Variants in FAN1 observed in about 807,000 individuals in gnomAD.
The protein encoded by FAN1 is fanconi-associated nuclease 1.
FAN1 carries 91 observed loss-of-function variants against 104.9 expected under a neutral mutation model. The observed-to-expected ratio is 0.87, with a 90% CI of 0.73 to 1.03. The LOEUF is 1.03. Ranked by LOEUF, FAN1 falls within the 50% of genes least tolerant of loss-of-function variation. The probability of loss-of-function intolerance (pLI) is 0.00; values close to 1 mark genes in which losing one functional copy is unlikely to be tolerated. For missense variants in FAN1, 1,263 were observed against 1,239.9 expected (o/e 1.02, Z -0.28); for synonymous variants, 478 against 457.6 (o/e 1.04, Z -0.57).
At position 30,941,698 on chromosome 15, in the gene FAN1, G is replaced by T; in HGVS notation, c.*136G>T. 6.2e-7 allele frequency: 1 copy of T among 1,613,840 alleles called. No individual in the cohort carries two copies. The highest frequency in any genetic ancestry group is 2.2e-5 in the East Asian group (1 of 44,884). ...GCTCCCCATAGCAGGCCTCCAGGGG[G>T]CCACTGCGCTGTTGCCGCAGCATCC... On this transcript the variant is annotated 3_prime_UTR_variant, in exon 15 of 15. Transcript: ENST00000362065.
intron 8 of FAN1, 23 bp from the exon 9 acceptor site, chr15:30,925,104 T>C: frequency 6.3e-7 from 1 of 1,593,856 alleles, no homozygotes; most frequent in Non-Finnish European, 8.6e-7. Flanking sequence ...AGGAGCCTGA[T>C]GTGTGACCAT....
intron 2 of FAN1, 132 bp from the exon 3 acceptor site, chr15:30,907,986 T>C: frequency 1.7e-6 from 1 of 571,696 alleles, no homozygotes; most frequent in Non-Finnish European, 2.7e-6. Context: ...ACTTTCAAAA[T>C]GGTTTATTCC....
In FAN1 at chr15:30,905,739, A is replaced by G. The variant is rs1270932714; in HGVS notation, c.1076A>G (p.Gln359Arg). Residue 359 changes from glutamine to arginine, a missense_variant, in exon 2 of 15, where the codon CAG (glutamine) becomes CGG (arginine). Around this residue, in one of 2 missense-constraint regions of FAN1, gnomAD observed 682 missense variants for 571.1 expected, o/e 1.19. Coordinates refer to ENST00000362065, the MANE Select transcript of FAN1 (RefSeq NM_014967.5). ...NDIPHSIPLE[Q>R]GSSCNGPGQT... The stretch of plus-strand genomic sequence containing the variant: ...ATCCCTCACAGCATTCCTTTGGAGC[A>G]GGGGTCAAGCTGCAATGGTCCTGGT... The G allele has an allele frequency of 6.2e-7, 1 of 1,614,226 alleles. No individual in the cohort carries two copies. The highest frequency in any genetic ancestry group is 1.1e-5 in the South Asian group (1 of 91,086).
intron 10 of FAN1, chr15:30,926,743 T>C (rs753283250): frequency 4.1e-6 from 4 of 985,292 alleles, no homozygotes; most frequent in Non-Finnish European, 4.8e-6. Context: ...GGACACTCGC[T>C]GGAGGAGGAA....
At chr15:30,936,791 A>T (rs1241825148) in intron 13 of FAN1, among the ~76,000 whole-genome samples, 1 of 152,208 alleles carries the variant, frequency 6.6e-6, no homozygotes, top group Admixed American at 6.5e-5. Flanking sequence ...CAAACCGTAG[A>T]GTACTGGTTA....
intron 5 of FAN1, 58 bp downstream of exon 5, chr15:30,914,149 G>A (rs761279747): frequency 7.7e-7 from 1 of 1,303,308 alleles, no homozygotes; most frequent in Non-Finnish European, 1.1e-6. Context: ...TTTAGTAAAA[G>A]GTTTTGTTAT....
intron 10 of FAN1, chr15:30,927,264 A>G (rs2062488011): frequency 2.0e-6 from 2 of 985,532 alleles, no homozygotes; most frequent in South Asian, 4.7e-5. Flanking sequence ...TTCCTGCCTG[A>G]TCGTCAGTGT....
chr15:30,941,343 T>C (rs2063045111), intron 14 of FAN1: 6 of 1,534,914 alleles, frequency 3.9e-6, no homozygotes, highest in Non-Finnish European at 5.2e-6. Context: ...TTTTAAATAT[T>C]AGTGCAAATT....
intron 2 of FAN1, among the ~76,000 whole-genome samples, chr15:30,906,828 C>T (rs951729119): frequency 3.9e-5 from 6 of 152,148 alleles, no homozygotes; most frequent in African/African-American, 1.4e-4. Context: ...GCTGTTCTCA[C>T]CAGAAGATGG....
intron 3 of FAN1, among the ~76,000 whole-genome samples, chr15:30,909,600 C>T (rs778730724): frequency 2.6e-5 from 4 of 152,202 alleles, no homozygotes; most frequent in Non-Finnish European, 5.9e-5. Flanking sequence ...AGTGGCTCAC[C>T]GTGGCACTCA....
intron 10 of FAN1, chr15:30,928,055 G>C (rs1473408193): frequency 1.0e-6 from 1 of 997,734 alleles, no homozygotes; most frequent in African/African-American, 1.7e-5. Flanking sequence ...AGGTGCATCA[G>C]AGCAGCACCT....
At chr15:30,919,911 G>GTA (rs2062283850) in intron 6 of FAN1, among the ~76,000 whole-genome samples, 1 of 152,138 alleles carries the variant, frequency 6.6e-6, no homozygotes, top group Non-Finnish European at 1.5e-5. Context: ...AACCCATGTT[G>GTA]TCCAGGGGTC....
At chr15:30,937,320 GTTTT>G in intron 14 of FAN1, 61 bp downstream of exon 14, 1 of 1,492,546 alleles carries the variant, frequency 6.7e-7, no homozygotes, top group East Asian at 2.3e-5. Context: ...TATAAAACAT[GTTTT>G]ATTTAATTTT....
intron 10 of FAN1, chr15:30,927,774 T>TG (rs375185104): frequency 2.0e-6 from 2 of 985,840 alleles, no homozygotes; most frequent in African/African-American, 3.5e-5. Context: ...AGTACGGACT[T>TG]GGAGGGCAGC....
At chr15:30,940,015 A>G in intron 14 of FAN1, 1 of 975,162 alleles carries the variant, frequency 1.0e-6, no homozygotes. Context: ...AGAAACAGCT[A>G]TTCAGTACAT....
At chr15:30,935,484 CAAAT>C (rs1476447604) in intron 13 of FAN1, among the ~76,000 whole-genome samples, 4 of 151,906 alleles carry the variant, frequency 2.6e-5, no homozygotes, top group Non-Finnish European at 5.9e-5. Flanking sequence ...ATAAACAAAT[CAAAT>C]AAAAATACAG....
At chr15:30,928,124 C>G (rs1386767345) in intron 10 of FAN1, 3 of 1,003,136 alleles carry the variant, frequency 3.0e-6, no homozygotes, top group African/African-American at 3.5e-5. Flanking sequence ...CTTAGGGAAG[C>G]ATTTCTTCAG....
At chr15:30,914,842 T>A (rs2062169466) in intron 5 of FAN1, among the ~76,000 whole-genome samples, 1 of 152,204 alleles carries the variant, frequency 6.6e-6, no homozygotes, top group Non-Finnish European at 1.5e-5. Context: ...AAATTAGAAA[T>A]TTTCACTAAT....
intron 4 of FAN1, chr15:30,911,271 C>T: frequency 6.1e-6 from 6 of 987,924 alleles, no homozygotes; most frequent in Non-Finnish European, 7.2e-6. Flanking sequence ...AAGCCCTTGA[C>T]CTGTTTCAGT....
Sources: gnomAD v4.1 joint callset for allele counts (sites outside exome capture counted in the v4.1 genomes callset) on GRCh38, gnomAD v4.1.1 for gene constraint, gnomAD v4.1.1 regional missense constraint, MANE v1.5 for transcripts, NCBI Gene and HGNC (gene_info 2026-07-23, HGNC 2026-07-21) for gene names.